Variants in SHROOM4 observed in about 807,000 individuals in gnomAD.
The protein encoded by SHROOM4 is protein Shroom4.
A neutral mutation model predicts 80.3 loss-of-function variants in SHROOM4; 17 were observed. The ratio of observed to expected loss-of-function variants is 0.21; its 90% CI spans 0.14 to 0.32. SHROOM4 has a LOEUF of 0.32. SHROOM4 is among the 10% of genes least tolerant of loss of function. The pLI, the probability that SHROOM4 is intolerant of heterozygous loss-of-function variation, is 1.00. For missense variants in SHROOM4, 993 were observed against 1,140.3 expected (o/e 0.87, Z 1.86); for synonymous variants, 400 against 437.5 (o/e 0.91, Z 1.07).
At chrX:50,604,922 G>T (rs1489332561) in intron 6 of SHROOM4, among the ~76,000 whole-genome samples, 1 of 112,296 alleles carries the variant, frequency 8.9e-6, no homozygotes, top group African/African-American at 3.2e-5. Context: ...TATTCCACTA[G>T]CTGGCTTCTG....
chrX:50,800,834 C>G (rs1423469989), intron 1 of SHROOM4, among the ~76,000 whole-genome samples: 1 of 110,091 alleles, frequency 9.1e-6, no homozygotes, highest in Non-Finnish European at 1.9e-5. Flanking sequence ...AGGGGATGAT[C>G]AAAGGGAAAG....
chrX:50,690,133 C>A (rs782664839), intron 2 of SHROOM4, among the ~76,000 whole-genome samples: 2 of 111,879 alleles, frequency 1.8e-5, no homozygotes, highest in Non-Finnish European at 3.8e-5. Flanking sequence ...TAATTGTTTT[C>A]GAAGTTTCTA....
intron 1 of SHROOM4, among the ~76,000 whole-genome samples, chrX:50,735,963 C>T (rs782748993): frequency 5.7e-5 from 6 of 106,004 alleles, no homozygotes; most frequent in East Asian, 3.0e-4. Flanking sequence ...GCCGAGACCG[C>T]GCCACTGCAC....
intron 1 of SHROOM4, among the ~76,000 whole-genome samples, chrX:50,805,931 C>T (rs1936217007): frequency 9.1e-6 from 1 of 110,317 alleles, no homozygotes; most frequent in South Asian, 4.0e-4. Context: ...TCTCTCCCTC[C>T]TCCCTACCCA....
chrX:50,616,352 C>CT (rs201093406), intron 5 of SHROOM4, among the ~76,000 whole-genome samples: 2 of 109,733 alleles, frequency 1.8e-5, no homozygotes, highest in Admixed American at 9.7e-5. Flanking sequence ...ACCACCTACC[C>CT]TTTTTTTTTG....
At chrX:50,712,382 G>T (rs1044526100) in intron 1 of SHROOM4, among the ~76,000 whole-genome samples, 1 of 111,607 alleles carries the variant, frequency 9.0e-6, no homozygotes, top group Non-Finnish European at 1.9e-5. Flanking sequence ...CTACAACACG[G>T]AGACTATAGT....
chrX:50,688,638 T>C (rs1933140795), intron 2 of SHROOM4, among the ~76,000 whole-genome samples: 1 of 111,349 alleles, frequency 9.0e-6, no homozygotes, highest in African/African-American at 3.3e-5. Context: ...AATTGAGTTG[T>C]GGCAGACTGT....
chrX:50,639,571 G>A (rs1258760683), intron 2 of SHROOM4, among the ~76,000 whole-genome samples: 1 of 111,395 alleles, frequency 9.0e-6, no homozygotes, highest in Non-Finnish European at 1.9e-5. Flanking sequence ...GTCCAGACTA[G>A]GCACTGGTAG....
chrX:50,665,044 A>G (rs1258127014), intron 2 of SHROOM4, among the ~76,000 whole-genome samples: 1 of 111,047 alleles, frequency 9.0e-6, no homozygotes, highest in African/African-American at 3.3e-5. Flanking sequence ...TAATGCATAC[A>G]TTATTAAACA....
intron 5 of SHROOM4, among the ~76,000 whole-genome samples, chrX:50,611,554 A>T (rs1227484491): frequency 6.2e-5 from 7 of 112,355 alleles, no homozygotes; most frequent in Non-Finnish European, 9.4e-5. Flanking sequence ...ATTGTTGAAT[A>T]TCTAGAAAAT....
chrX:50,634,807 C>G lies in SHROOM4; in HGVS notation c.1266G>C (p.Gln422His). The part of the protein sequence containing the change: ...APEQLLASHL[Q>H]HVHLDTRGSK... ...TGCCCCTGGTATCAAGGTGCACATG[C>G]TGCAGGTGGGATGCCAGCAGCTGTT... is the stretch of plus-strand genomic sequence containing the variant. Residue 422 changes from glutamine to histidine, a missense_variant, in exon 4 of 9, where the codon CAG becomes CAC. By Grantham distance (24) the Gln-to-His change is conservative. Coordinates refer to ENST00000376020, the MANE Select transcript of SHROOM4 (RefSeq NM_020717.5). The G allele has an allele frequency of 5.0e-6, 6 of 1,211,568 alleles. No individual in the cohort carries two copies. The highest frequency in any genetic ancestry group is 6.7e-6 in the Non-Finnish European group (6 of 895,394).
chrX:50,636,339 G>T (rs1429376681), intron 3 of SHROOM4, among the ~76,000 whole-genome samples: 1 of 110,778 alleles, frequency 9.0e-6, no homozygotes, highest in Non-Finnish European at 1.9e-5. Flanking sequence ...ATTTACTCAA[G>T]AACACCCAGC....
At chrX:50,753,895 A>G (rs1934977946) in intron 1 of SHROOM4, among the ~76,000 whole-genome samples, 1 of 111,771 alleles carries the variant, frequency 8.9e-6, no homozygotes, top group Admixed American at 9.5e-5. Flanking sequence ...TCCCAAGAAA[A>G]GCTAGCTGTG....
chrX:50,651,272 T>C (rs1557258709), intron 2 of SHROOM4, among the ~76,000 whole-genome samples: 1 of 112,143 alleles, frequency 8.9e-6, no homozygotes, highest in African/African-American at 3.2e-5. Flanking sequence ...CTGCTAATAT[T>C]TTTATGCAAC....
intron 1 of SHROOM4, among the ~76,000 whole-genome samples, chrX:50,793,904 A>C (rs966156305): frequency 5.5e-5 from 6 of 109,462 alleles, no homozygotes; most frequent in Admixed American, 4.9e-4. Flanking sequence ...AAGTAGAAGG[A>C]AAAAAAAAGA....
chrX:50,616,509 GA>G (rs1488683492), intron 5 of SHROOM4, among the ~76,000 whole-genome samples: 1 of 111,788 alleles, frequency 8.9e-6, no homozygotes, highest in Non-Finnish European at 1.9e-5. Context: ...AACATATGTT[GA>G]GGGTACATGC....
chrX:50,715,500 C>A (rs1444601078), intron 1 of SHROOM4, among the ~76,000 whole-genome samples: 1 of 112,005 alleles, frequency 8.9e-6, no homozygotes, highest in African/African-American at 3.2e-5. Flanking sequence ...CCTCAGAAAA[C>A]AAATAACCTG....
At position 50,635,231 on chromosome X, in the gene SHROOM4, T is replaced by C. The variant is rs781987418; in HGVS notation, c.842A>G (p.Asp281Gly). ...TTGGGCTCTGGAGGCCTGAAGGCTG[T>C]CCCGCCTCACTGGAGGTTGTGGTGG... Reference protein sequence around the residue: ...RGPPQPPVRRDSLQASRAQLL... With the variant: ...RGPPQPPVRRGSLQASRAQLL... The change falls in exon 4 of 9, where the codon GAC (aspartate) becomes GGC (glycine). Residue 281 changes from aspartate to glycine, a missense_variant. Physicochemically the swap from Asp to Gly is moderately conservative, Grantham distance 94. Transcript: ENST00000376020. 1 of 1,203,015 alleles carries C rather than the reference T, an allele frequency of 8.3e-7. No homozygotes were observed. Among genetic ancestry groups the C allele is most frequent in the Non-Finnish European group, 1.1e-6 (1 of 890,944 alleles).
In SHROOM4 at chrX:50,594,341, G is replaced by A; in HGVS notation, c.*2354C>T. The A allele has an allele frequency of 8.9e-6, 1 of 112,251 alleles. No individual in the cohort carries two copies. Among genetic ancestry groups the A allele is most frequent in the Admixed American group, 9.4e-5 (1 of 10,672 alleles). The allele number at this position is 112,251 out of a possible 1,213,427, so 9.3% of individuals were successfully genotyped here. Reference sequence around the variant, plus strand: ...GCTTCACTGCTAGATATACTTTTGGGGTTATTTTTTAAATGCTTTGGCAAC... The same window carrying A: ...GCTTCACTGCTAGATATACTTTTGGAGTTATTTTTTAAATGCTTTGGCAAC... On this transcript the variant is annotated 3_prime_UTR_variant, in exon 9 of 9. Coordinates refer to ENST00000376020, the MANE Select transcript of SHROOM4 (RefSeq NM_020717.5).
Sources: allele counts gnomAD v4.1 joint callset (sites outside exome capture counted in the v4.1 genomes callset), GRCh38; gene constraint gnomAD v4.1.1; transcripts MANE v1.5; gene names NCBI Gene and HGNC (gene_info 2026-07-23, HGNC 2026-07-21).